UGGT1: variants seen among roughly 807,000 people sequenced by gnomAD.
UGGT1 encodes UDP-glucose:glycoprotein glucosyltransferase 1.
In UGGT1, 107 loss-of-function variants were observed where a neutral mutation model predicts 203.9. The ratio of observed to expected loss-of-function variants is 0.52; its 90% confidence interval spans 0.45 to 0.62. The LOEUF is 0.62. UGGT1 is among the 20% of genes least tolerant of loss of function. UGGT1 has a pLI of 0.00. For missense variants in UGGT1, 1,673 were observed against 1,867.2 expected (o/e 0.90, Z 1.92); for synonymous variants, 628 against 653.5 (o/e 0.96, Z 0.59).
rs1692260081 is a variant in UGGT1, at chr2:128,191,397, A to G, written c.*1655A>G. ...AATTGAGGAGGGGATTAATGAGTAC[A>G]ATGAAAACAAAACAAAACAAAAAAT... On this transcript the variant is annotated 3_prime_UTR_variant, in exon 41 of 41. Coordinates refer to ENST00000259253, the MANE Select transcript of UGGT1 (RefSeq NM_020120.4). 1 of 152,194 alleles carries G rather than the reference A, an allele frequency of 6.6e-6. No homozygotes were observed. Among genetic ancestry groups the G allele is most frequent in the African/African-American group, 2.4e-5 (1 of 41,460 alleles). 9.4% of individuals were successfully genotyped at this position (152,194 alleles called of 1,614,324 possible). A position where few individuals can be genotyped will look rare whatever the true frequency, so the allele number is the denominator to read the frequency against.
chr2:128,147,758 A>G (rs1055861320), intron 18 of UGGT1, among the ~76,000 whole-genome samples: 1 of 152,014 alleles, frequency 6.6e-6, no homozygotes, highest in African/African-American at 2.4e-5. Context: ...CTATAGGTGC[A>G]TGCCACCATA....
chr2:128,104,866 C>T (rs1290804334), intron 3 of UGGT1, among the ~76,000 whole-genome samples: 1 of 151,964 alleles, frequency 6.6e-6, no homozygotes, highest in Non-Finnish European at 1.5e-5. Flanking sequence ...AGGCTGGTCT[C>T]GAACTTTTGA....
chr2:128,147,413 CT>C (rs1689743583), intron 18 of UGGT1, among the ~76,000 whole-genome samples: 1 of 152,042 alleles, frequency 6.6e-6, no homozygotes, highest in Non-Finnish European at 1.5e-5. Context: ...GACATGGTTT[CT>C]TTTAGTTCTT....
chr2:128,147,465 T>C (rs1481723965), intron 18 of UGGT1, among the ~76,000 whole-genome samples: 1 of 152,212 alleles, frequency 6.6e-6, no homozygotes, highest in Non-Finnish European at 1.5e-5. Context: ...TTTTTCTAAT[T>C]AAGTCCAATG....
intron 18 of UGGT1, among the ~76,000 whole-genome samples, chr2:128,150,413 G>A (rs922342517): frequency 7.9e-5 from 12 of 152,264 alleles, no homozygotes; most frequent in African/African-American, 2.9e-4. Flanking sequence ...TGAGCAACAG[G>A]GCATGACCTT....
chr2:128,127,221 G>A (rs1172047807), intron 11 of UGGT1, 140 bp from the exon 12 acceptor site: 1 of 628,534 alleles, frequency 1.6e-6, no homozygotes, highest in Non-Finnish European at 2.8e-6. Flanking sequence ...ACTTGCCATT[G>A]AATCCCAACA....
At chr2:128,099,065 C>T (rs1687247152) in intron 2 of UGGT1, among the ~76,000 whole-genome samples, 3 of 152,162 alleles carry the variant, frequency 2.0e-5, no homozygotes, top group South Asian at 4.1e-4. Flanking sequence ...AGTGTTTGAA[C>T]GTGCTAGAAA....
chr2:128,143,557 G>T (rs1213998065), intron 17 of UGGT1, among the ~76,000 whole-genome samples: 2 of 152,182 alleles, frequency 1.3e-5, no homozygotes, highest in Non-Finnish European at 2.9e-5. Flanking sequence ...GATGAGTAGA[G>T]TGGACAAACT....
chr2:128,103,935 G>A lies in UGGT1; in HGVS notation c.198G>A (p.Glu66=). 2 of 1,587,128 alleles carry A rather than the reference G, an allele frequency of 1.3e-6. No individual in the cohort carries two copies. The highest frequency in any genetic ancestry group is 1.2e-5 in the South Asian group (1 of 84,566). The change falls in exon 3 of 41, where the codon GAG becomes GAA. Residue 66 remains glutamate (E), a synonymous_variant. Transcript: ENST00000259253. ...TATTTCTGATCTTTTCTCCCAGTGA[G>A]TTTTTAGCAGAAGACAGTCAAGAGA... ...FSTPLLLEAS[E]FLAEDSQEKF...
At position 128,093,198 on chromosome 2, in the gene UGGT1, C is replaced by G. The variant is rs181138905; in HGVS notation, c.58+1783C>G. On this transcript the variant is annotated intron_variant, in intron 1 of 40. Coordinates refer to ENST00000259253, the MANE Select transcript of UGGT1 (RefSeq NM_020120.4). ...GCATCTCTCCCCAAGAACACGTACT[C>G]TCTCTCCTTTTTGAAAACAGTGTAG... Among the ~76,000 whole-genome samples the G allele has an allele frequency of 1.8e-3, 276 of 152,256 alleles. 1 individual carries two copies. Among genetic ancestry groups the G allele is most frequent in the Admixed American group, 5.0e-3 (77 of 15,290 alleles).
At chr2:128,097,366 C>T (rs1687157809) in intron 1 of UGGT1, 63 bp from the exon 2 acceptor site, 1 of 1,562,364 alleles carries the variant, frequency 6.4e-7, no homozygotes, top group Middle Eastern at 1.7e-4. Context: ...CAGGGCGAGA[C>T]TGCGTCTCAA....
chr2:128,121,087 C>T (rs560169924), intron 9 of UGGT1, 112 bp from the exon 10 acceptor site: 10 of 992,504 alleles, frequency 1.0e-5, no homozygotes, highest in Admixed American at 1.9e-5. Context: ...TGGTTGCATT[C>T]GAAGATATTC....
In UGGT1 at chr2:128,127,495, C is replaced by G. The variant is rs774809959; in HGVS notation, c.1226+43C>G. 2.9e-6 allele frequency: 4 copies of G among 1,372,854 alleles called. No individual in the cohort carries two copies. The Admixed American group carries it at 7.1e-5, about 24-fold the overall frequency. The allele number at this position is 1,372,854 out of a possible 1,614,324, so 85.0% of individuals were successfully genotyped here. On this transcript the variant is annotated intron_variant, in intron 12 of 40. Coordinates refer to ENST00000259253, the MANE Select transcript of UGGT1 (RefSeq NM_020120.4). ...CATTCTCTGAAAAGTTTTTGTAATGCGTAGCACCTTGTAACATGTTCATAT... is the reference window on the plus strand; with the variant it reads ...CATTCTCTGAAAAGTTTTTGTAATGGGTAGCACCTTGTAACATGTTCATAT...
rs565580748 is a variant in UGGT1 at position 128,128,539 on chromosome 2, A to C, written c.1227-490A>C. On this transcript the variant is annotated intron_variant, in intron 12 of 40. Transcript: ENST00000259253. Reference sequence around the variant, plus strand: ...ATGTTGGCCAGGCTGGTCTCGAACTACTGACCTTGTGATCCGCCCGCCTTG... The same window carrying C: ...ATGTTGGCCAGGCTGGTCTCGAACTCCTGACCTTGTGATCCGCCCGCCTTG... Among the ~76,000 whole-genome samples the C allele has an allele frequency of 5.3e-5, 8 of 151,958 alleles. No individual in the cohort carries two copies. In the East Asian group the frequency reaches 5.8e-4, roughly 11 times the overall value.
intron 8 of UGGT1, among the ~76,000 whole-genome samples, 164 bp from the exon 9 acceptor site, chr2:128,120,191 AT>A (rs56180652): frequency 1.1e-4 from 16 of 151,696 alleles, no homozygotes; most frequent in East Asian, 1.9e-4. Context: ...CTAATTTTCT[AT>A]TTTTTTTAAA....
Position 128,109,372 on chromosome 2 carries a change from T to A in UGGT1, c.409-262T>A, listed in dbSNP as rs201870951. 7.9e-5 allele frequency among the ~76,000 whole-genome samples: 12 copies of A among 152,054 alleles called. 1 individual carries two copies. Among genetic ancestry groups the A allele is most frequent in the Admixed American group, 5.9e-4 (9 of 15,258 alleles). On this transcript the variant is annotated intron_variant, in intron 4 of 40. Transcript: ENST00000259253. ...GCGTATGCCACTGTGCCTAATTTTT[T>A]ATTTTTTTTATTTTTTGTAGAGATG... is the stretch of plus-strand genomic sequence containing the variant.
At position 128,143,227 on chromosome 2, in the gene UGGT1, TA is replaced by T; in HGVS notation, c.1851+8del. The T allele has an allele frequency of 6.2e-7, 1 of 1,612,836 alleles. No homozygotes were observed. The highest frequency in any genetic ancestry group is 8.5e-7 in the Non-Finnish European group (1 of 1,179,594). Reference sequence around the variant, plus strand: ...TCTGCTTATGATCGGAATCGGAAGGTAAAAAATTTCTTTGTGTTTCTTATTT... The same window carrying T: ...TCTGCTTATGATCGGAATCGGAAGGTAAAAATTTCTTTGTGTTTCTTATTT... On this transcript the variant is annotated splice_donor_region_variant and intron_variant, in intron 17 of 40. Coordinates refer to ENST00000259253, the MANE Select transcript of UGGT1 (RefSeq NM_020120.4).
At chr2:128,115,336 G>C in intron 7 of UGGT1, 116 bp downstream of exon 7, 1 of 899,778 alleles carries the variant, frequency 1.1e-6, no homozygotes, top group East Asian at 2.8e-5. Context: ...TTTGCATCCT[G>C]GTTCTGTTAC....
chr2:128,131,778 C>T (rs1688892288), intron 13 of UGGT1, among the ~76,000 whole-genome samples: 1 of 152,104 alleles, frequency 6.6e-6, no homozygotes, highest in Non-Finnish European at 1.5e-5. Flanking sequence ...CAGGCGCACA[C>T]CACCATGCCC....
Sources: allele counts gnomAD v4.1 joint callset (sites outside exome capture counted in the v4.1 genomes callset), GRCh38; gene constraint gnomAD v4.1.1; transcripts MANE v1.5; gene names NCBI Gene and HGNC (gene_info 2026-07-23, HGNC 2026-07-21).